The following THSD7A variants were observed in gnomAD, a reference collection of about 807,000 sequenced individuals.
THSD7A encodes the protein thrombospondin type-1 domain-containing protein 7A.
In THSD7A, 96 loss-of-function variants were observed where a neutral mutation model predicts 231.3. That is an observed-to-expected ratio of 0.41 (90% CI 0.35 to 0.49). The LOEUF (loss-of-function observed/expected upper bound fraction) is 0.49. THSD7A is among the 20% of genes least tolerant of loss of function. THSD7A has a pLI of 0.05. For missense variants in THSD7A, 2,290 were observed against 2,070.2 expected, an observed-to-expected ratio of 1.11 and a Z score of -2.06; for synonymous variants, 940 against 743.3, an observed-to-expected ratio of 1.26 and a Z score of -4.30.
At chr7:11,453,483 T>G (rs368462042) in intron 11 of THSD7A, among the ~76,000 whole-genome samples, 55 of 152,096 alleles carry the variant, frequency 3.6e-4, no homozygotes, top group African/African-American at 1.2e-3. Context: ...GCATCCAAAT[T>G]ATGTTGGCTT....
intron 6 of THSD7A, among the ~76,000 whole-genome samples, chr7:11,510,224 G>A (rs1379258563): frequency 1.3e-5 from 2 of 152,120 alleles, no homozygotes; most frequent in Non-Finnish European, 2.9e-5. Flanking sequence ...ACTAAACCAG[G>A]AAGAAGCTGA....
chr7:11,743,784 A>G (rs1471212043), intron 1 of THSD7A, among the ~76,000 whole-genome samples: 1 of 151,908 alleles, frequency 6.6e-6, no homozygotes, highest in African/African-American at 2.4e-5. Flanking sequence ...AATTATCAAG[A>G]AAGCCCCTTT....
chr7:11,670,389 G>C (rs1783335436), intron 1 of THSD7A, among the ~76,000 whole-genome samples: 1 of 152,214 alleles, frequency 6.6e-6, no homozygotes, highest in African/African-American at 2.4e-5. Flanking sequence ...GAATGATCCA[G>C]GCATTTGGCA....
intron 13 of THSD7A, among the ~76,000 whole-genome samples, chr7:11,431,114 C>T (rs1460305975): frequency 6.6e-6 from 1 of 152,166 alleles, no homozygotes; most frequent in African/African-American, 2.4e-5. Flanking sequence ...ACCAGATATG[C>T]ACGCATGTTC....
chr7:11,465,505 C>T (rs890700652), intron 9 of THSD7A, among the ~76,000 whole-genome samples: 1 of 151,686 alleles, frequency 6.6e-6, no homozygotes, highest in Non-Finnish European at 1.5e-5. Flanking sequence ...TTTCAGATAT[C>T]TTAAGACATT....
chr7:11,780,997 C>CAAAAACAAAAAA (rs1783608384), intron 1 of THSD7A, among the ~76,000 whole-genome samples: 1 of 34,442 alleles, frequency 2.9e-5, no homozygotes, highest in Non-Finnish European at 5.3e-5. Flanking sequence ...GACTCCGTCT[C>CAAAAACAAAAAA]AAAAAAAAAA....
chr7:11,418,663 C>T (rs1170439313), intron 16 of THSD7A, among the ~76,000 whole-genome samples: 8 of 152,150 alleles, frequency 5.3e-5, no homozygotes, highest in African/African-American at 1.9e-4. Flanking sequence ...GGGACATTCA[C>T]AAATCTCCTC....
chr7:11,525,271 A>T (rs1477186600), intron 6 of THSD7A, among the ~76,000 whole-genome samples: 1 of 152,100 alleles, frequency 6.6e-6, no homozygotes, highest in African/African-American at 2.4e-5. Flanking sequence ...GAAGTTATTT[A>T]AATTCACCCT....
intron 1 of THSD7A, among the ~76,000 whole-genome samples, chr7:11,754,930 G>T (rs1317084849): frequency 6.6e-6 from 1 of 151,818 alleles, no homozygotes; most frequent in Non-Finnish European, 1.5e-5. Context: ...TTCTCTAACT[G>T]TATTATATAG....
Position 11,535,511 on chromosome 7 carries a change from G to A in THSD7A, c.1822+5908C>T, listed in dbSNP as rs985450805. 1.5e-4 allele frequency among the ~76,000 whole-genome samples: 23 copies of A among 151,648 alleles called. 3 individuals carry two copies. Among genetic ancestry groups the A allele is most frequent in the Admixed American group, 1.4e-3 (21 of 15,204 alleles). The stretch of plus-strand genomic sequence containing the variant: ...AATAAAGAGTCTCAACCCAATTACA[G>A]GAAACAAACTCCTACCAATAGTTTT... On this transcript the variant is annotated intron_variant, in intron 6 of 27. Transcript: ENST00000423059.
intron 15 of THSD7A, among the ~76,000 whole-genome samples, 185 bp from the exon 16 acceptor site, chr7:11,425,014 A>G (rs1562599377): frequency 1.3e-5 from 2 of 152,204 alleles, no homozygotes; most frequent in South Asian, 4.1e-4. Context: ...AGGGCTAACC[A>G]TATTGTACTC....
chr7:11,454,564 T>A (rs1008035584), intron 11 of THSD7A, among the ~76,000 whole-genome samples: 4 of 146,380 alleles, frequency 2.7e-5, no homozygotes, highest in Non-Finnish European at 5.9e-5. Context: ...AGTGGTTATC[T>A]CTTTTTTTTT....
chr7:11,639,820 C>CT (rs1014374051), intron 1 of THSD7A, among the ~76,000 whole-genome samples: 1 of 152,074 alleles, frequency 6.6e-6, no homozygotes, highest in Non-Finnish European at 1.5e-5. Context: ...CTGAAAATAA[C>CT]TTTTTTTCCC....
chr7:11,428,934 T>C lies in THSD7A; in HGVS notation c.3243+13A>G. The C allele has an allele frequency of 6.3e-7, 1 of 1,598,778 alleles. No homozygotes were observed. Among genetic ancestry groups the C allele is most frequent in the Non-Finnish European group, 8.5e-7 (1 of 1,174,460 alleles). On this transcript the variant is annotated intron_variant, in intron 14 of 27. Coordinates refer to ENST00000423059, the MANE Select transcript of THSD7A (RefSeq NM_015204.3). The stretch of plus-strand genomic sequence containing the variant: ...CTCAACAATATCTTAACACTGTCAA[T>C]GATAGAAAATACCTGGTTGACATGG...
At chr7:11,747,889 T>C (rs1003548787) in intron 1 of THSD7A, among the ~76,000 whole-genome samples, 1 of 151,842 alleles carries the variant, frequency 6.6e-6, no homozygotes, top group Non-Finnish European at 1.5e-5. Context: ...AAAGGCACAA[T>C]GATATTAACA....
At chr7:11,624,846 A>C (rs1277728622) in intron 2 of THSD7A, among the ~76,000 whole-genome samples, 2 of 152,124 alleles carry the variant, frequency 1.3e-5, no homozygotes, top group East Asian at 3.8e-4. Context: ...ATAAGGCTTT[A>C]TACAGAATTG....
At chr7:11,728,456 T>A (rs1781618840) in intron 1 of THSD7A, among the ~76,000 whole-genome samples, 1 of 151,888 alleles carries the variant, frequency 6.6e-6, no homozygotes, top group South Asian at 2.1e-4. Context: ...ATAGAAAACA[T>A]GAATTGAAGG....
intron 1 of THSD7A, among the ~76,000 whole-genome samples, chr7:11,712,362 A>G (rs1780995278): frequency 6.6e-6 from 1 of 150,972 alleles, no homozygotes; most frequent in Non-Finnish European, 1.5e-5. Context: ...ATATGTAATC[A>G]TATGGCAGGG....
intron 1 of THSD7A, among the ~76,000 whole-genome samples, chr7:11,830,293 C>T (rs1785155728): frequency 6.6e-6 from 1 of 152,156 alleles, no homozygotes; most frequent in South Asian, 2.1e-4. Context: ...GTATAAATTT[C>T]AACTAGGCAA....
Sources: allele counts gnomAD v4.1 joint callset (sites outside exome capture counted in the v4.1 genomes callset), GRCh38; gene constraint gnomAD v4.1.1; transcripts MANE v1.5; gene names NCBI Gene and HGNC (gene_info 2026-07-23, HGNC 2026-07-21).